Variants in GPR89B observed in about 807,000 individuals in gnomAD.
GPR89B encodes the protein G protein-coupled receptor 89B.
In GPR89B, 25 loss-of-function variants were observed where a neutral mutation model predicts 52.4. The ratio of observed to expected loss-of-function variants is 0.48; its 90% CI spans 0.35 to 0.67. The LOEUF is 0.67. GPR89B is among the 30% of genes least tolerant of loss of function. The probability of loss-of-function intolerance (pLI) is 0.01; values close to 1 mark genes in which losing one functional copy is unlikely to be tolerated. For missense variants in GPR89B, 146 were observed against 450.2 expected (o/e 0.32, Z 6.11); for synonymous variants, 52 against 151.2 (o/e 0.34, Z 4.81).
the GPR89B span, chr1:148,003,797 T>G: frequency 1.8e-6 from 1 of 571,202 alleles, no homozygotes; most frequent in Non-Finnish European, 3.1e-6. Flanking sequence ...CTTTCTGTTC[T>G]GAGCCTGCCC....
intron 10 of GPR89B, among the ~76,000 whole-genome samples, chr1:147,979,901 C>T (rs1176703871): frequency 6.6e-6 from 1 of 151,648 alleles, no homozygotes; most frequent in Non-Finnish European, 1.5e-5. Context: ...CCAGCCTGGG[C>T]AGCATAGCAA....
At chr1:148,019,331 G>A in the GPR89B span, among the ~76,000 whole-genome samples, 2 of 151,228 alleles carry the variant, frequency 1.3e-5, no homozygotes, top group African/African-American at 2.4e-5. Context: ...ACCAAACACC[G>A]TGTGTTCTCA....
intron 12 of GPR89B, among the ~76,000 whole-genome samples, chr1:147,992,100 G>A (rs1266241741): frequency 6.7e-6 from 1 of 148,532 alleles, no homozygotes; most frequent in Non-Finnish European, 1.5e-5. Context: ...TTGAATGAAA[G>A]AGAAGTGGCT....
chr1:147,992,581 G>T lies in GPR89B; in HGVS notation c.1161+14G>T. ...GCACAGATAATGGTAAGTTTAATTA[G>T]TTACCTTTATGTTGACAGCTGTAAA... is the stretch of plus-strand genomic sequence containing the variant. On this transcript the variant is annotated intron_variant, in intron 13 of 13. Transcript: ENST00000314163. The T allele has an allele frequency of 6.2e-7, 1 of 1,611,634 alleles. No homozygotes were observed. Among genetic ancestry groups the T allele is most frequent in the Non-Finnish European group, 8.5e-7 (1 of 1,179,614 alleles).
intron 12 of GPR89B, among the ~76,000 whole-genome samples, chr1:147,988,919 T>C (rs1278825582): frequency 7.3e-6 from 1 of 136,686 alleles, no homozygotes; most frequent in African/African-American, 2.7e-5. Context: ...GAATTCTGCC[T>C]CCTGAGACTT....
At chr1:148,021,870 G>C in the GPR89B span, 6 of 147,212 alleles carry the variant, frequency 4.1e-5, no homozygotes, top group Admixed American at 6.8e-5. Context: ...AAAGCCCCGC[G>C]ATCATCCGGT....
intron 3 of GPR89B, among the ~76,000 whole-genome samples, 155 bp from the exon 4 acceptor site, chr1:147,943,283 C>G (rs1654697574): frequency 6.6e-6 from 1 of 152,008 alleles, no homozygotes; most frequent in Non-Finnish European, 1.5e-5. Context: ...TTTTTAATCT[C>G]TACAAATGAG....
At chr1:147,933,369 T>C (rs1400261247) in intron 1 of GPR89B, among the ~76,000 whole-genome samples, 1 of 151,958 alleles carries the variant, frequency 6.6e-6, no homozygotes, top group Non-Finnish European at 1.5e-5. Flanking sequence ...TATCCTCTAG[T>C]GTTTTCTTCT....
At chr1:147,940,672 G>A (rs1444238970) in intron 3 of GPR89B, among the ~76,000 whole-genome samples, 1 of 152,158 alleles carries the variant, frequency 6.6e-6, no homozygotes, top group Non-Finnish European at 1.5e-5. Flanking sequence ...AGCAGTCATA[G>A]GCAATATATA....
chr1:148,000,237 C>T, the GPR89B span, among the ~76,000 whole-genome samples: 21 of 151,140 alleles, frequency 1.4e-4, no homozygotes, highest in African/African-American at 5.1e-4. Flanking sequence ...TCTAGTGCCA[C>T]TTTAAGTATG....
At chr1:148,004,323 ATT>A in the GPR89B span, among the ~76,000 whole-genome samples, 21 of 141,504 alleles carry the variant, frequency 1.5e-4, no homozygotes, top group African/African-American at 2.3e-4. Flanking sequence ...CACCTGGCTA[ATT>A]TTTTTTTTTT....
the GPR89B span, among the ~76,000 whole-genome samples, chr1:148,018,478 A>C: frequency 1.3e-5 from 2 of 148,872 alleles, no homozygotes; most frequent in Non-Finnish European, 2.9e-5. Context: ...TAAACAAAGC[A>C]AAAACACAGA....
the GPR89B span, among the ~76,000 whole-genome samples, chr1:148,015,803 T>G: frequency 6.7e-6 from 1 of 149,910 alleles, no homozygotes; most frequent in Non-Finnish European, 1.5e-5. Context: ...GAGGTGCAAT[T>G]ACTATAGGAA....
chr1:147,998,975 T>G, the GPR89B span, among the ~76,000 whole-genome samples: 1 of 151,862 alleles, frequency 6.6e-6, no homozygotes, highest in Non-Finnish European at 1.5e-5. Flanking sequence ...GGGTTGTGTT[T>G]TACTCACTGA....
chr1:147,995,115 CA>C (rs1338066928), downstream of GPR89B, among the ~76,000 whole-genome samples: 2 of 151,976 alleles, frequency 1.3e-5, no homozygotes, highest in Non-Finnish European at 2.9e-5. Flanking sequence ...TAACCGTCAC[CA>C]CTTACATGCT....
the GPR89B span, among the ~76,000 whole-genome samples, chr1:148,008,718 T>C: frequency 6.6e-6 from 1 of 152,188 alleles, no homozygotes; most frequent in South Asian, 2.1e-4. Flanking sequence ...GGTCAGGGTT[T>C]CTCAAATCAC....
the GPR89B span, among the ~76,000 whole-genome samples, chr1:148,009,899 C>T: frequency 2.6e-5 from 4 of 151,886 alleles, no homozygotes; most frequent in East Asian, 1.9e-4. Flanking sequence ...TATGTAAGCT[C>T]GGGAGGGAGG....
At position 147,981,330 on chromosome 1, in the gene GPR89B, TAC is replaced by T. The variant is rs1164453500; in HGVS notation, c.910-4851_910-4850del. On this transcript the variant is annotated intron_variant, in intron 10 of 13. Transcript: ENST00000314163. The stretch of plus-strand genomic sequence containing the variant: ...CCCCTCCCTCCCCGACACACACACA[TAC>T]ACACACACACACACACAAAATTAAT... Among the ~76,000 whole-genome samples, 28 of 147,744 alleles carry T rather than the reference TAC, an allele frequency of 1.9e-4. No individual in the cohort carries two copies. In the East Asian group the frequency reaches 2.0e-3, roughly 10 times the overall value.
At chr1:147,996,108 G>A (rs1325000419), downstream of GPR89B, among the ~76,000 whole-genome samples, 1 of 152,110 alleles carries the variant, frequency 6.6e-6, no homozygotes, top group Non-Finnish European at 1.5e-5. Context: ...TAGTGGTTCA[G>A]CGTCATATGT....
Sources: gnomAD v4.1 joint callset for allele counts (sites outside exome capture counted in the v4.1 genomes callset) on GRCh38, gnomAD v4.1.1 for gene constraint, MANE v1.5 for transcripts, NCBI Gene and HGNC (gene_info 2026-07-23, HGNC 2026-07-21) for gene names.